Variants in SYT14 observed in about 807,000 individuals in gnomAD.
The protein encoded by SYT14 is synaptotagmin-14.
A neutral mutation model predicts 74.2 loss-of-function variants in SYT14; 32 were observed. The ratio of observed to expected loss-of-function variants is 0.43; its 90% CI spans 0.33 to 0.58. The LOEUF (loss-of-function observed/expected upper bound fraction) is 0.58. Ranked by LOEUF, SYT14 falls within the 20% of genes least tolerant of loss-of-function variation. SYT14 has a pLI of 0.05. For synonymous variants in SYT14, 298 were observed against 337.7 expected (o/e 0.88, Z 1.29); for missense variants, 791 against 981.8 (o/e 0.81, Z 2.60).
intron 5 of SYT14, among the ~76,000 whole-genome samples, chr1:210,068,724 T>A (rs996588223): frequency 1.3e-5 from 2 of 151,728 alleles, no homozygotes; most frequent in Non-Finnish European, 3.0e-5. Flanking sequence ...TCAGGGTTTT[T>A]AAAAAATAAT....
At chr1:210,079,146 G>A (rs1005643230) in intron 5 of SYT14, among the ~76,000 whole-genome samples, 2 of 151,154 alleles carry the variant, frequency 1.3e-5, no homozygotes, top group African/African-American at 4.9e-5. Flanking sequence ...TATCTAGGTC[G>A]GTGTTTCTCA....
At chr1:209,946,810 G>A (rs1351830351) in intron 1 of SYT14, among the ~76,000 whole-genome samples, 1 of 152,152 alleles carries the variant, frequency 6.6e-6, no homozygotes, top group Non-Finnish European at 1.5e-5. Flanking sequence ...TAGCTAGAGG[G>A]GAGAAGTCAA....
At chr1:210,165,608 G>A (rs984550982) in exon 10 of SYT14, 1 of 152,108 alleles carries the variant, frequency 6.6e-6, no homozygotes, top group Non-Finnish European at 1.5e-5. Flanking sequence ...TGAGACAAAA[G>A]ATTTGTCTTC....
At position 210,034,819 on chromosome 1, in the gene SYT14, G is replaced by T. The variant is rs186737028; in HGVS notation, c.1312+13565G>T. Among the ~76,000 whole-genome samples, 273 of 151,854 alleles carry T rather than the reference G, an allele frequency of 1.8e-3. 1 individual carries two copies. Among genetic ancestry groups the T allele is most frequent in the African/African-American group, 6.4e-3 (264 of 41,494 alleles). On this transcript the variant is annotated intron_variant, in intron 5 of 9. Coordinates refer to ENST00000637265, the Ensembl canonical transcript of SYT14. ...AAAAGACATGATTTCAATTTTTTAT[G>T]GCTGAGTAGTATTCCCTGGTATGTG...
chr1:209,940,441 C>G (rs1360452492), intron 1 of SYT14, among the ~76,000 whole-genome samples: 1 of 151,314 alleles, frequency 6.6e-6, no homozygotes, highest in Non-Finnish European at 1.5e-5. Context: ...ATAAGTAAGA[C>G]TATAACCCTT....
exon 10 of SYT14, chr1:210,163,217 T>C (rs1457367306): frequency 6.7e-6 from 3 of 449,714 alleles, no homozygotes; most frequent in Admixed American, 2.4e-5. Context: ...GTGCTTTCAC[T>C]CTTAGTGAGA....
At chr1:210,100,561 T>C in intron 7 of SYT14, 100 bp downstream of exon 6, 15 of 1,215,602 alleles carry the variant, frequency 1.2e-5, no homozygotes, top group Non-Finnish European at 8.3e-6. Context: ...TTTGTCAGTC[T>C]ATTTTTTTAC....
chr1:210,115,141 T>G (rs1215051688), intron 7 of SYT14, among the ~76,000 whole-genome samples: 1 of 151,396 alleles, frequency 6.6e-6, no homozygotes, highest in East Asian at 1.9e-4. Flanking sequence ...ATTTTCTGGC[T>G]ATTTGGAACC....
intron 6 of SYT14, among the ~76,000 whole-genome samples, chr1:210,099,660 T>C (rs1309704450): frequency 6.6e-6 from 1 of 152,218 alleles, no homozygotes; most frequent in African/African-American, 2.4e-5. Context: ...GTAAATGAAA[T>C]TGAAAGTAAA....
chr1:210,130,898 CAT>C (rs2082659572), intron 7 of SYT14, among the ~76,000 whole-genome samples: 1 of 152,130 alleles, frequency 6.6e-6, no homozygotes, highest in Admixed American at 6.5e-5. Context: ...ACATATAAAT[CAT>C]ATTTTGCCAT....
At chr1:210,133,910 TCCATAGGA>T (rs1170596599) in intron 7 of SYT14, among the ~76,000 whole-genome samples, 1 of 147,032 alleles carries the variant, frequency 6.8e-6, no homozygotes, top group Non-Finnish European at 1.5e-5. Context: ...AAACACCAAC[TCCATAGGA>T]ATGGAGTTGG....
At chr1:210,094,433 G>C (rs143386386) in exon 6 of SYT14, 1 of 1,613,838 alleles carries the variant, frequency 6.2e-7, no homozygotes, top group Admixed American at 1.7e-5. Flanking sequence ...TCAGAAATTG[G>C]GGACAGTAAA....
intron 5 of SYT14, among the ~76,000 whole-genome samples, chr1:210,031,681 T>G (rs1426930636): frequency 6.6e-6 from 1 of 152,186 alleles, no homozygotes; most frequent in African/African-American, 2.4e-5. Context: ...GTCATCAAAT[T>G]TGTAGGCATA....
At chr1:210,161,946 A>G (rs1206244798) in exon 10 of SYT14, 1 of 453,648 alleles carries the variant, frequency 2.2e-6, no homozygotes, top group East Asian at 6.9e-5. Flanking sequence ...AAAATACAGT[A>G]GATAAGCTGT....
intron 5 of SYT14, among the ~76,000 whole-genome samples, chr1:210,039,938 T>C (rs1214882107): frequency 6.6e-6 from 1 of 152,136 alleles, no homozygotes; most frequent in Non-Finnish European, 1.5e-5. Flanking sequence ...GGTGGGAGTG[T>C]AAATGCGTTC....
At chr1:210,138,603 C>A (rs1648478308) in intron 7 of SYT14, among the ~76,000 whole-genome samples, 1 of 151,986 alleles carries the variant, frequency 6.6e-6, no homozygotes. Context: ...TTAATTTAGT[C>A]CTATATATGT....
chr1:210,126,472 A>G (rs991615465), intron 7 of SYT14, among the ~76,000 whole-genome samples: 1 of 152,134 alleles, frequency 6.6e-6, no homozygotes, highest in Admixed American at 6.5e-5. Flanking sequence ...ATACTTTATC[A>G]TTATATCTTT....
chr1:210,102,013 A>G (rs1378433274), intron 7 of SYT14, among the ~76,000 whole-genome samples: 1 of 152,192 alleles, frequency 6.6e-6, no homozygotes, highest in African/African-American at 2.4e-5. Context: ...CTAGTCATTG[A>G]TTCTGTAATC....
intron 5 of SYT14, among the ~76,000 whole-genome samples, chr1:210,033,519 T>G (rs1264561452): frequency 6.6e-6 from 1 of 151,810 alleles, no homozygotes; most frequent in East Asian, 1.9e-4. Context: ...CTTGAGAATA[T>G]GAGGTGTTTT....
Sources: allele counts gnomAD v4.1 joint callset (sites outside exome capture counted in the v4.1 genomes callset), GRCh38; gene constraint gnomAD v4.1.1; transcripts MANE v1.5; gene names NCBI Gene and HGNC (gene_info 2026-07-23, HGNC 2026-07-21).